The following MGAT4C variants were observed in gnomAD, a reference collection of about 807,000 sequenced individuals.
MGAT4C encodes alpha-1,3-mannosyl-glycoprotein 4-beta-N-acetylglucosaminyltransferase C.
In MGAT4C, 19 loss-of-function variants were observed where a neutral mutation model predicts 40.1. That is an observed-to-expected ratio of 0.47 (90% confidence interval 0.33 to 0.70). MGAT4C has a LOEUF of 0.70. Ranked by LOEUF, MGAT4C falls within the 30% of genes least tolerant of loss-of-function variation. The pLI is 0.02. For synonymous variants in MGAT4C, 181 were observed against 187.1 expected (o/e 0.97, Z 0.27); for missense variants, 491 against 563.2 (o/e 0.87, Z 1.30).
intron 2 of MGAT4C, among the ~76,000 whole-genome samples, chr12:86,521,037 ATAGT>A (rs529446169): frequency 2.6e-4 from 40 of 152,200 alleles, no homozygotes; most frequent in African/African-American, 9.1e-4. Context: ...CACTCTGTAG[ATAGT>A]TTCTTTTGCT....
At chr12:86,112,387 C>A (rs539298085) in intron 1 of MGAT4C, among the ~76,000 whole-genome samples, 1 of 151,200 alleles carries the variant, frequency 6.6e-6, no homozygotes, top group Admixed American at 6.6e-5. Context: ...TCATCTTTCT[C>A]TACAGAGACA....
intron 1 of MGAT4C, among the ~76,000 whole-genome samples, chr12:86,735,733 C>G (rs1212861115): frequency 6.6e-6 from 1 of 151,808 alleles, no homozygotes; most frequent in Non-Finnish European, 1.5e-5. Flanking sequence ...TCTTTGAAAT[C>G]TCATCCTACT....
At chr12:86,617,054 CTGTATTTTAAAAATATTTACT>C (rs1304757795) in intron 2 of MGAT4C, among the ~76,000 whole-genome samples, 1 of 152,104 alleles carries the variant, frequency 6.6e-6, no homozygotes, top group African/African-American at 2.4e-5. Context: ...CAGCAATGGA[CTGTATTTTAAAAATATTTACT>C]ATTCCCTTAA....
intron 3 of MGAT4C, among the ~76,000 whole-genome samples, chr12:86,356,859 G>C (rs1955325527): frequency 6.6e-6 from 1 of 152,132 alleles, no homozygotes; most frequent in Non-Finnish European, 1.5e-5. Context: ...GAAGCTCAAG[G>C]AGGCCTGCCT....
chr12:86,834,736 T>C (rs1345620033), intron 1 of MGAT4C, among the ~76,000 whole-genome samples: 6 of 151,804 alleles, frequency 4.0e-5, no homozygotes, highest in Non-Finnish European at 8.8e-5. Flanking sequence ...AGAACTTCAA[T>C]AATCTTTTTA....
intron 4 of MGAT4C, among the ~76,000 whole-genome samples, chr12:86,304,790 G>A (rs867268315): frequency 2.7e-5 from 4 of 150,730 alleles, no homozygotes; most frequent in Middle Eastern, 3.4e-3. Flanking sequence ...AGAGGAGAAC[G>A]CCATATGGCA....
At chr12:86,478,459 G>A (rs959031836) in intron 2 of MGAT4C, among the ~76,000 whole-genome samples, 1 of 152,098 alleles carries the variant, frequency 6.6e-6, no homozygotes, top group Non-Finnish European at 1.5e-5. Context: ...AAGTGGAAAA[G>A]AGCAGTGAAC....
Position 85,970,047 on chromosome 12 carries a change from G to T in MGAT4C, c.*9242C>A, listed in dbSNP as rs991526365. 6.6e-6 allele frequency: 1 copy of T among 151,178 alleles called. No homozygotes were observed. The highest frequency in any genetic ancestry group is 1.5e-5 in the Non-Finnish European group (1 of 67,370). 9.4% of individuals were successfully genotyped at this position (151,178 alleles called of 1,614,324 possible). On this transcript the variant is annotated 3_prime_UTR_variant, in exon 5 of 5. Transcript: ENST00000611864. ...TTTGTTTCGTTTCCTTATTGCCCTA[G>T]ATGCCTTTTCTCTGGACCTAGATAA...
At chr12:86,601,211 T>G (rs963457594) in intron 2 of MGAT4C, 1 of 152,128 alleles carries the variant, frequency 6.6e-6, no homozygotes, top group Non-Finnish European at 1.5e-5. Context: ...GTTTCCTAGG[T>G]GGGAAGGGGT....
chr12:86,793,931 A>G (rs1426987215), intron 1 of MGAT4C, among the ~76,000 whole-genome samples: 2 of 152,000 alleles, frequency 1.3e-5, no homozygotes. Context: ...CTAATAAAAA[A>G]TGTGAACAAA....
At chr12:86,542,243 G>A (rs928276199) in intron 2 of MGAT4C, among the ~76,000 whole-genome samples, 3 of 152,174 alleles carry the variant, frequency 2.0e-5, no homozygotes, top group African/African-American at 7.2e-5. Flanking sequence ...CAATTAGAAT[G>A]TAGAAGAAAT....
At chr12:86,714,016 C>A (rs1950601802) in intron 2 of MGAT4C, among the ~76,000 whole-genome samples, 1 of 152,098 alleles carries the variant, frequency 6.6e-6, no homozygotes, top group African/African-American at 2.4e-5. Context: ...ACGAGCATTG[C>A]AGAAATTTCA....
intron 2 of MGAT4C, among the ~76,000 whole-genome samples, chr12:86,659,973 A>G (rs1265217519): frequency 6.6e-6 from 1 of 151,920 alleles, no homozygotes; most frequent in Non-Finnish European, 1.5e-5. Context: ...CAGAACGAGG[A>G]AGCAAAAACT....
chr12:86,613,739 A>C (rs1962358395), intron 2 of MGAT4C, among the ~76,000 whole-genome samples: 1 of 152,178 alleles, frequency 6.6e-6, no homozygotes, highest in Admixed American at 6.5e-5. Context: ...AATAAAAATT[A>C]TATATTTTAG....
At chr12:86,125,664 G>T (rs909575454) in intron 1 of MGAT4C, among the ~76,000 whole-genome samples, 2 of 152,112 alleles carry the variant, frequency 1.3e-5, no homozygotes, top group African/African-American at 4.8e-5. Flanking sequence ...AAACAGGAGG[G>T]CATTTTAGAA....
intron 1 of MGAT4C, among the ~76,000 whole-genome samples, chr12:86,774,281 C>CTCTTTCTTTCTTTCTCTTTCTTTCTT (rs1951693105): frequency 5.1e-5 from 3 of 58,958 alleles, no homozygotes; most frequent in Admixed American, 1.9e-4. Context: ...CTAAGGCTTG[C>CTCTTTCTTTCTTTCTCTTTCTTTCTT]TCTTTCTTTC....
chr12:86,566,030 G>A (rs1040811129), intron 2 of MGAT4C, among the ~76,000 whole-genome samples: 1 of 152,132 alleles, frequency 6.6e-6, no homozygotes, highest in African/African-American at 2.4e-5. Flanking sequence ...GGGGTGATCA[G>A]CCAGCTACTT....
chr12:86,220,431 T>C (rs1265522058), intron 1 of MGAT4C, among the ~76,000 whole-genome samples: 2 of 151,946 alleles, frequency 1.3e-5, no homozygotes, highest in African/African-American at 4.8e-5. Context: ...ATAATGAGAG[T>C]TTTACAGTTA....
At chr12:86,671,778 A>G (rs1484486109) in intron 2 of MGAT4C, among the ~76,000 whole-genome samples, 1 of 152,154 alleles carries the variant, frequency 6.6e-6, no homozygotes, top group African/African-American at 2.4e-5. Flanking sequence ...TATGCACTCA[A>G]AAATGGAGCA....
Sources: allele counts gnomAD v4.1 joint callset (sites outside exome capture counted in the v4.1 genomes callset), GRCh38; gene constraint gnomAD v4.1.1; transcripts MANE v1.5; gene names NCBI Gene and HGNC (gene_info 2026-07-23, HGNC 2026-07-21).